Variants in PTPRD observed in about 807,000 individuals in gnomAD.
PTPRD encodes the protein protein tyrosine phosphatase receptor type D.
PTPRD carries 34 observed loss-of-function variants against 214.5 expected under a neutral mutation model. The ratio of observed to expected loss-of-function variants is 0.16; its 90% CI spans 0.12 to 0.21. PTPRD has a LOEUF of 0.21. Ranked by LOEUF, PTPRD falls within the 10% of genes least tolerant of loss-of-function variation. The pLI, the probability that PTPRD is intolerant of heterozygous loss-of-function variation, is 1.00. For synonymous variants in PTPRD, 1,128 were observed against 845.7 expected (o/e 1.33, Z -5.79); for missense variants, 2,545 against 2,398.7 (o/e 1.06, Z -1.27).
intron 11 of PTPRD, among the ~76,000 whole-genome samples, chr9:8,741,363 T>G (rs9299071): frequency 0.06 from 9,172 of 152,196 alleles, 728 homozygotes; most frequent in African/African-American, 0.18. Flanking sequence ...TTTTATGTGA[T>G]GCCAGTAGAA....
chr9:8,417,025 A>C (rs1176151378), intron 35 of PTPRD, among the ~76,000 whole-genome samples: 1 of 152,142 alleles, frequency 6.6e-6, no homozygotes, highest in Non-Finnish European at 1.5e-5. Flanking sequence ...ATTATCATGG[A>C]GCATAATTCC....
chr9:8,754,453 T>C (rs1015969785), intron 11 of PTPRD, among the ~76,000 whole-genome samples: 1 of 152,122 alleles, frequency 6.6e-6, no homozygotes, highest in Non-Finnish European at 1.5e-5. Context: ...GACCCACCCA[T>C]ATGTACTCTC....
At chr9:9,660,534 G>A (rs2096603286) in intron 7 of PTPRD, among the ~76,000 whole-genome samples, 1 of 151,916 alleles carries the variant, frequency 6.6e-6, no homozygotes, top group African/African-American at 2.4e-5. Flanking sequence ...TAGAAAAGAG[G>A]AGTCAAAGTA....
intron 7 of PTPRD, among the ~76,000 whole-genome samples, chr9:9,643,693 C>T (rs1339867742): frequency 6.6e-6 from 1 of 152,158 alleles, no homozygotes; most frequent in East Asian, 1.9e-4. Context: ...AGCCCTGCTT[C>T]CTTTGTCTGT....
chr9:10,024,752 G>A (rs991061029), intron 4 of PTPRD, among the ~76,000 whole-genome samples: 1 of 148,226 alleles, frequency 6.7e-6, no homozygotes, highest in Non-Finnish European at 1.5e-5. Flanking sequence ...TTAGCATTAG[G>A]TATATCTCCT....
intron 11 of PTPRD, among the ~76,000 whole-genome samples, chr9:8,949,708 C>T (rs1023721959): frequency 2.0e-5 from 3 of 152,108 alleles, no homozygotes; most frequent in Non-Finnish European, 4.4e-5. Flanking sequence ...TTTAATAATT[C>T]AACTGCTACT....
intron 3 of PTPRD, among the ~76,000 whole-genome samples, chr9:10,234,972 T>G (rs1332154669): frequency 1.3e-5 from 2 of 151,424 alleles, no homozygotes; most frequent in Non-Finnish European, 2.9e-5. Context: ...TAGTGCAACA[T>G]ACAATTATTA....
intron 5 of PTPRD, among the ~76,000 whole-genome samples, chr9:9,922,297 A>G (rs2082772125): frequency 6.6e-6 from 1 of 152,108 alleles, no homozygotes; most frequent in South Asian, 2.1e-4. Flanking sequence ...AATCCCTTGA[A>G]TCCGAAGTAT....
chr9:9,025,811 T>C (rs1200923843), intron 10 of PTPRD, among the ~76,000 whole-genome samples: 3 of 152,034 alleles, frequency 2.0e-5, no homozygotes, highest in Non-Finnish European at 4.4e-5. Flanking sequence ...ATACTTATCT[T>C]TCATAACTGC....
chr9:8,824,398 TG>T (rs1387335930), intron 11 of PTPRD, among the ~76,000 whole-genome samples: 5 of 152,176 alleles, frequency 3.3e-5, no homozygotes. Context: ...GGCCTAACTA[TG>T]GGGGTCTCTT....
intron 3 of PTPRD, among the ~76,000 whole-genome samples, chr9:10,054,777 G>C (rs1479167492): frequency 1.3e-5 from 2 of 152,038 alleles, no homozygotes; most frequent in Admixed American, 6.6e-5. Context: ...TAGTAAAGTT[G>C]AATACAGTCT....
At chr9:8,558,396 C>A (rs2084836399) in intron 14 of PTPRD, among the ~76,000 whole-genome samples, 1 of 152,188 alleles carries the variant, frequency 6.6e-6, no homozygotes, top group African/African-American at 2.4e-5. Flanking sequence ...TCCCTCCTTT[C>A]TTCCCTCTCA....
At chr9:9,497,292 T>G (rs756533750) in intron 8 of PTPRD, among the ~76,000 whole-genome samples, 3 of 152,146 alleles carry the variant, frequency 2.0e-5, no homozygotes, top group African/African-American at 7.2e-5. Flanking sequence ...ATAAAGTAAA[T>G]GAGATAGTAG....
intron 11 of PTPRD, among the ~76,000 whole-genome samples, chr9:8,828,847 C>CA (rs1431207818): frequency 6.6e-6 from 1 of 152,168 alleles, no homozygotes; most frequent in African/African-American, 2.4e-5. Context: ...CATGTAAACT[C>CA]AGACAATTCA....
chr9:9,668,593 T>A (rs2096768079), intron 7 of PTPRD, among the ~76,000 whole-genome samples: 1 of 152,212 alleles, frequency 6.6e-6, no homozygotes, highest in Non-Finnish European at 1.5e-5. Context: ...CATAATAGAT[T>A]TGTTCATTCA....
chr9:9,818,534 G>A (rs2049537469), intron 5 of PTPRD, among the ~76,000 whole-genome samples: 1 of 152,146 alleles, frequency 6.6e-6, no homozygotes, highest in Admixed American at 6.6e-5. Flanking sequence ...GGGAAGGACA[G>A]AGAGAGATAG....
At chr9:8,342,831 T>C (rs574256103) in intron 39 of PTPRD, among the ~76,000 whole-genome samples, 1 of 152,150 alleles carries the variant, frequency 6.6e-6, no homozygotes, top group East Asian at 1.9e-4. Flanking sequence ...TAATACTTTA[T>C]ACACAGCTAT....
chr9:9,214,518 G>T (rs1394482762), intron 9 of PTPRD, among the ~76,000 whole-genome samples: 1 of 151,808 alleles, frequency 6.6e-6, no homozygotes, highest in Non-Finnish European at 1.5e-5. Context: ...TACAAAGCAG[G>T]GGGTGGGAGA....
intron 2 of PTPRD, among the ~76,000 whole-genome samples, chr9:10,501,941 C>T (rs899610862): frequency 2.0e-5 from 3 of 151,766 alleles, no homozygotes; most frequent in Admixed American, 6.6e-5. Flanking sequence ...TTTACCTGGT[C>T]CATTATAGAG....
Sources: gnomAD v4.1 joint callset for allele counts (sites outside exome capture counted in the v4.1 genomes callset) on GRCh38, gnomAD v4.1.1 for gene constraint, MANE v1.5 for transcripts, NCBI Gene and HGNC (gene_info 2026-07-23, HGNC 2026-07-21) for gene names.